The following KIFC3 variants were observed in gnomAD, a reference collection of about 807,000 sequenced individuals.
KIFC3 encodes the protein kinesin-like protein KIFC3.
A neutral mutation model predicts 101.8 loss-of-function variants in KIFC3; 60 were observed. That is an observed-to-expected ratio of 0.59 (90% CI 0.48 to 0.73). KIFC3 has a LOEUF of 0.73. Ranked by LOEUF, KIFC3 falls within the 30% of genes least tolerant of loss-of-function variation. KIFC3 has a pLI of 0.00. For synonymous variants in KIFC3, 476 were observed against 482.7 expected, an observed-to-expected ratio of 0.99 and a Z score of 0.18; for missense variants, 966 against 1,137.1, an observed-to-expected ratio of 0.85 and a Z score of 2.16.
At chr16:57,840,569 T>C (rs2055783702) in intron 1 of KIFC3, among the ~76,000 whole-genome samples, 1 of 152,000 alleles carries the variant, frequency 6.6e-6, no homozygotes, top group Non-Finnish European at 1.5e-5. Flanking sequence ...GAGACCAGAC[T>C]GGCCAACGTG....
At chr16:57,785,961 G>A (rs782069484) in intron 3 of KIFC3, among the ~76,000 whole-genome samples, 5 of 152,164 alleles carry the variant, frequency 3.3e-5, no homozygotes, top group Non-Finnish European at 7.3e-5. Context: ...AGGTCTGATG[G>A]GCCAGCCTCT....
intron 13 of KIFC3, 83 bp downstream of exon 13, chr16:57,762,057 A>G: frequency 6.8e-7 from 1 of 1,467,976 alleles, no homozygotes; most frequent in Non-Finnish European, 9.1e-7. Context: ...TGGGGGTCCC[A>G]CCTGAGGACC....
At chr16:57,782,202 C>G (rs1370140645) in intron 3 of KIFC3, 3 of 939,166 alleles carry the variant, frequency 3.2e-6, no homozygotes, top group Non-Finnish European at 2.5e-6. Flanking sequence ...TACAACAGAT[C>G]CACCCCCAAA....
intron 1 of KIFC3, among the ~76,000 whole-genome samples, chr16:57,814,675 G>A (rs2055178391): frequency 6.6e-6 from 1 of 151,946 alleles, no homozygotes; most frequent in Non-Finnish European, 1.5e-5. Context: ...ACCCAGGCTG[G>A]AGTGCAGTGG....
chr16:57,759,876 G>T, intron 17 of KIFC3, 40 bp from the exon 18 acceptor site: 1 of 1,491,124 alleles, frequency 6.7e-7, no homozygotes, highest in South Asian at 1.2e-5. Context: ...GGCCACGGCT[G>T]CCCTGGCTCC....
intron 3 of KIFC3, among the ~76,000 whole-genome samples, chr16:57,774,448 A>G (rs564803954): frequency 1.3e-5 from 2 of 152,268 alleles, no homozygotes; most frequent in Admixed American, 1.3e-4. Context: ...AAAAACCATT[A>G]AGTGTACAGC....
intron 3 of KIFC3, among the ~76,000 whole-genome samples, chr16:57,772,985 G>A (rs575147444): frequency 1.3e-5 from 2 of 152,300 alleles, no homozygotes; most frequent in East Asian, 3.9e-4. Context: ...CCAGTCCCAT[G>A]AGGGCAGATC....
chr16:57,808,166 G>A (rs2149253623), upstream of KIFC3, among the ~76,000 whole-genome samples: 1 of 152,168 alleles, frequency 6.6e-6, no homozygotes, highest in Non-Finnish European at 1.5e-5. Flanking sequence ...GCAAACGGAG[G>A]CTTTGTGAGG....
intron 1 of KIFC3, among the ~76,000 whole-genome samples, chr16:57,858,831 T>A (rs934908067): frequency 6.6e-6 from 1 of 152,116 alleles, no homozygotes; most frequent in Non-Finnish European, 1.5e-5. Context: ...GTGCCTGTAA[T>A]CTCAGCTACT....
chr16:57,827,542 C>T (rs782681563), intron 1 of KIFC3, among the ~76,000 whole-genome samples: 5 of 152,232 alleles, frequency 3.3e-5, no homozygotes, highest in African/African-American at 1.2e-4. Flanking sequence ...GTTCCTGGAG[C>T]TTCCGTTCTG....
upstream of KIFC3, chr16:57,802,661 C>G: frequency 2.0e-6 from 2 of 1,023,160 alleles, no homozygotes; most frequent in Non-Finnish European, 2.6e-6. This position sits in a 1 kb window ranked among gnomAD's most constrained non-coding sequence, Gnocchi z 5.0. Flanking sequence ...CTCCCACTCC[C>G]ACTCCCACTC....
At chr16:57,804,784 G>A (rs2054894797), upstream of KIFC3, among the ~76,000 whole-genome samples, 2 of 151,540 alleles carry the variant, frequency 1.3e-5, no homozygotes, top group Non-Finnish European at 2.9e-5. Context: ...TAGAGATGGG[G>A]GTGTCTCACT....
intron 1 of KIFC3, among the ~76,000 whole-genome samples, chr16:57,808,643 T>C (rs371383427): frequency 1.3e-5 from 2 of 152,172 alleles, no homozygotes; most frequent in African/African-American, 2.4e-5. Flanking sequence ...CCTTCACTTA[T>C]TGTCATTGGC....
intron 4 of KIFC3, 79 bp from the exon 5 acceptor site, chr16:57,771,765 C>A: frequency 1.3e-6 from 2 of 1,501,398 alleles, no homozygotes; most frequent in Non-Finnish European, 1.8e-6. Flanking sequence ...GCGGAGATGG[C>A]ACAAGGGCAG....
chr16:57,775,367 C>A, intron 3 of KIFC3: 1 of 1,093,750 alleles, frequency 9.1e-7, no homozygotes. Flanking sequence ...CACGAGCACT[C>A]TGGCCAAGGC....
rs111598367 is a variant in KIFC3, at chr16:57,760,837, G to A, written c.2121C>T (p.Val707=). The change falls in exon 16 of 20, where the codon GTC becomes GTT. Residue 707 remains valine, a synonymous_variant. Transcript: ENST00000445690. ...INKSLSALGD[V]IAALRSRQGH... is the part of the protein sequence containing the mutation. Reference sequence around the variant, plus strand: ...CCTGGCGGGAGCGCAGGGCAGCAATGACGTCCCCCAGAGCCGACAGCGACT... The same window carrying A: ...CCTGGCGGGAGCGCAGGGCAGCAATAACGTCCCCCAGAGCCGACAGCGACT... The A allele has an allele frequency of 1.1e-5, 18 of 1,613,378 alleles. No homozygotes were observed. In the African/African-American group the frequency reaches 1.5e-4, roughly 13 times the overall value.
chr16:57,800,242 C>T (rs1237785766), intron 1 of KIFC3, among the ~76,000 whole-genome samples: 3 of 152,190 alleles, frequency 2.0e-5, no homozygotes, highest in African/African-American at 7.2e-5. Context: ...TGGTCTCTTC[C>T]TTCCTTGACT....
intron 7 of KIFC3, 45 bp downstream of exon 7, chr16:57,770,482 C>A: frequency 1.5e-6 from 2 of 1,359,762 alleles, no homozygotes; most frequent in South Asian, 3.6e-5. Flanking sequence ...AAGGGCCTGC[C>A]TCTGGCTTCC....
At position 57,761,240 on chromosome 16, in the gene KIFC3, G is replaced by A. The variant is rs1437878855; in HGVS notation, c.1873-69C>T. On this transcript the variant is annotated intron_variant, in intron 14 of 19. Transcript: ENST00000445690. The stretch of plus-strand genomic sequence containing the variant: ...GGTCCTCAGAGTCACCTGGCCCCAA[G>A]CACCCATGAGGAGTGGCACCACCCT... 8.1e-6 allele frequency: 13 copies of A among 1,598,614 alleles called. No homozygotes were observed. The East Asian group carries it at 2.9e-4, about 36-fold the overall frequency.
Sources: gnomAD v4.1 joint callset for allele counts (sites outside exome capture counted in the v4.1 genomes callset) on GRCh38, gnomAD v4.1.1 for gene constraint, Gnocchi (gnomAD v3.1) non-coding constraint, MANE v1.5 for transcripts, NCBI Gene and HGNC (gene_info 2026-07-23, HGNC 2026-07-21) for gene names.